Variants in TESPA1 observed in about 807,000 individuals in gnomAD.
TESPA1 encodes the protein protein TESPA1.
A neutral mutation model predicts 57.9 loss-of-function variants in TESPA1; 33 were observed. That is an observed-to-expected ratio of 0.57 (90% CI 0.43 to 0.76). The LOEUF is 0.76. Among genes scored for constraint, TESPA1 ranks in the 30% least tolerant of loss-of-function variants. The pLI, the probability that TESPA1 is intolerant of heterozygous loss-of-function variation, is 0.00. For missense variants in TESPA1, 618 were observed against 632.9 expected (o/e 0.98, Z 0.25); for synonymous variants, 227 against 228.9 (o/e 0.99, Z 0.07).
chr12:54,962,410 C>T, intron 9 of TESPA1, 21 bp downstream of exon 9: 2 of 1,603,310 alleles, frequency 1.2e-6, no homozygotes, highest in Non-Finnish European at 1.7e-6. Flanking sequence ...CCAGTCTCTC[C>T]CTCACCTCCA....
In TESPA1 at chr12:54,984,386, G is replaced by A. The variant is rs903076232; in HGVS notation, c.-46+199C>T. On this transcript the variant is annotated intron_variant, in intron 1 of 10. Coordinates refer to ENST00000449076, the MANE Select transcript of TESPA1 (RefSeq NM_001136030.3). ...GATAATAAAGAGAAAACAAACAAAC[G>A]AAAGCAAAAGGGCACCCAGCATCGT... Among the ~76,000 whole-genome samples the A allele has an allele frequency of 2.6e-5, 4 of 152,250 alleles. No individual in the cohort carries two copies. The South Asian group carries it at 6.2e-4, about 24-fold the overall frequency.
chr12:54,976,348 C>G (rs1292209169), intron 1 of TESPA1, among the ~76,000 whole-genome samples: 2 of 152,090 alleles, frequency 1.3e-5, no homozygotes, highest in Non-Finnish European at 2.9e-5. Flanking sequence ...AGATTGGTTC[C>G]AAAACCCAGA....
chr12:54,968,060 A>C, intron 3 of TESPA1, 168 bp from the exon 4 acceptor site: 1 of 1,504,756 alleles, frequency 6.6e-7, no homozygotes, highest in Non-Finnish European at 8.9e-7. Context: ...TTGTCTGAAA[A>C]ATTCATAGAA....
In TESPA1 at chr12:54,963,855, A is replaced by G. The variant is rs961466251; in HGVS notation, c.542T>C (p.Ile181Thr). Reference sequence around the variant, plus strand: ...GGGGGTGGTGAAAAATCGGGCGGGTATCCGAGAAGTGTCTTTGTGATCCTC... The same window carrying G: ...GGGGGTGGTGAAAAATCGGGCGGGTGTCCGAGAAGTGTCTTTGTGATCCTC... Reference protein sequence around the residue: ...GQEDHKDTSRIPARFFTTPSQ... With the variant: ...GQEDHKDTSRTPARFFTTPSQ... The change falls in exon 8 of 11, where the codon ATA becomes ACA. Residue 181 changes from isoleucine to threonine, a missense_variant. Coordinates refer to ENST00000449076, the MANE Select transcript of TESPA1 (RefSeq NM_001136030.3). The G allele has an allele frequency of 6.2e-7, 1 of 1,613,906 alleles. No individual in the cohort carries two copies. The highest frequency in any genetic ancestry group is 1.3e-5 in the African/African-American group (1 of 74,940).
At chr12:54,978,454 T>C (rs1045872676) in intron 1 of TESPA1, among the ~76,000 whole-genome samples, 4 of 152,216 alleles carry the variant, frequency 2.6e-5, no homozygotes, top group African/African-American at 4.8e-5. Context: ...TGCATAGGAA[T>C]AGTACCCATA....
chr12:54,978,645 A>G (rs1373988891), intron 1 of TESPA1, among the ~76,000 whole-genome samples: 1 of 152,232 alleles, frequency 6.6e-6, no homozygotes. Flanking sequence ...AAGGCCATAC[A>G]GGAACTTATA....
chr12:54,982,745 G>A (rs1243343098), intron 1 of TESPA1, among the ~76,000 whole-genome samples: 1 of 152,218 alleles, frequency 6.6e-6, no homozygotes, highest in Non-Finnish European at 1.5e-5. Flanking sequence ...CAACCATTGT[G>A]TTAGCTCTGT....
At position 54,966,144 on chromosome 12, in the gene TESPA1, G is replaced by A. The variant is rs1951415643; in HGVS notation, c.355C>T (p.Leu119Phe). The change falls in exon 7 of 11, where the codon CTC (leucine) becomes TTC (phenylalanine). Residue 119 changes from leucine to phenylalanine, a missense_variant. Coordinates refer to ENST00000449076, the MANE Select transcript of TESPA1 (RefSeq NM_001136030.3). ...ANGKLFSRSF[L>F]ETARPCQLLD... ...AGCTGGCAAGGCCTGGCTGTCTCGAGGAAACTCCTGCAGAGATCAAAGCTG... is the reference window on the plus strand; with the variant it reads ...AGCTGGCAAGGCCTGGCTGTCTCGAAGAAACTCCTGCAGAGATCAAAGCTG... 5 of 1,568,282 alleles carry A rather than the reference G, an allele frequency of 3.2e-6. No homozygotes were observed. Among genetic ancestry groups the A allele is most frequent in the African/African-American group, 1.4e-5 (1 of 73,806 alleles).
chr12:54,973,223 T>C (rs1951946910), intron 3 of TESPA1, among the ~76,000 whole-genome samples: 1 of 152,164 alleles, frequency 6.6e-6, no homozygotes, highest in Non-Finnish European at 1.5e-5. Context: ...ACTCTTAGCT[T>C]TAGCTCAAAC....
At chr12:54,964,034 C>G (rs1951258777) in intron 7 of TESPA1, 84 bp from the exon 8 acceptor site, 1 of 1,369,638 alleles carries the variant, frequency 7.3e-7, no homozygotes, top group African/African-American at 1.4e-5. Context: ...ATAAAAGTGT[C>G]AGAAGACTGA....
intron 10 of TESPA1, among the ~76,000 whole-genome samples, chr12:54,953,522 C>CTCTTTTTTTT (rs1950529744): frequency 7.4e-6 from 1 of 135,366 alleles, no homozygotes; most frequent in Non-Finnish European, 1.5e-5. Flanking sequence ...TTTTTATTTA[C>CTCTTTTTTTT]TTTTTTTTTT....
chr12:54,965,093 CAA>C (rs549458391), intron 7 of TESPA1, among the ~76,000 whole-genome samples: 37 of 152,242 alleles, frequency 2.4e-4, no homozygotes, highest in African/African-American at 8.4e-4. Flanking sequence ...TCATCTTTTT[CAA>C]AGAGTTATTT....
Position 54,963,241 on chromosome 12 carries a change from G to A in TESPA1, c.657C>T (p.Ser219=). 1 of 1,608,858 alleles carries A rather than the reference G, an allele frequency of 6.2e-7. No homozygotes were observed. The part of the protein sequence containing the change: ...EMEDPCLMLA[S]RFKQVQTLAV... ...CCAGTGTTTGCACCTGCTTAAACCT[G>A]CCTGGGTACAAGAGTTAAAGATGGT... The change falls in exon 9 of 11, where the codon AGC becomes AGT. Residue 219 remains serine (S), a splice_region_variant and synonymous_variant. Transcript: ENST00000449076.
At chr12:54,961,054 A>G (rs1592338933) in intron 10 of TESPA1, 114 bp downstream of exon 10, 2 of 1,228,964 alleles carry the variant, frequency 1.6e-6, no homozygotes, top group South Asian at 2.6e-5. Context: ...TTCCAATTAA[A>G]TCAGAATTAC....
chr12:54,965,234 G>A (rs1163882565), intron 7 of TESPA1, among the ~76,000 whole-genome samples: 1 of 152,086 alleles, frequency 6.6e-6, no homozygotes, highest in African/African-American at 2.4e-5. Flanking sequence ...GGAAGTGCAG[G>A]TTTGTTACAT....
At chr12:54,956,309 T>C in intron 10 of TESPA1, among the ~76,000 whole-genome samples, 1 of 152,130 alleles carries the variant, frequency 6.6e-6, no homozygotes, top group East Asian at 1.9e-4. Flanking sequence ...ACCATAAAAA[T>C]GAAAACTTCC....
rs151116221 is a variant in TESPA1, at chr12:54,981,012, T to C, written c.-46+3573A>G. Among the ~76,000 whole-genome samples, 596 of 152,282 alleles carry C rather than the reference T, an allele frequency of 3.9e-3. 1 individual carries two copies. Among genetic ancestry groups the C allele is most frequent in the East Asian group, 0.027 (140 of 5,182 alleles). On this transcript the variant is annotated intron_variant, in intron 1 of 10. Coordinates refer to ENST00000449076, the MANE Select transcript of TESPA1 (RefSeq NM_001136030.3). ...GTTACTCAGGCTGGTCTTGAACACC[T>C]GGCCTCAAGCAATCCTCCCACCTTG... is the stretch of plus-strand genomic sequence containing the variant.
intron 10 of TESPA1, among the ~76,000 whole-genome samples, chr12:54,958,266 C>T (rs929897215): frequency 2.0e-5 from 3 of 152,170 alleles, no homozygotes; most frequent in Non-Finnish European, 4.4e-5. Flanking sequence ...GCTGGACAAA[C>T]AACACTTAAG....
chr12:54,969,243 C>T (rs534094725), intron 3 of TESPA1, among the ~76,000 whole-genome samples: 415 of 151,562 alleles, frequency 2.7e-3, no homozygotes, highest in Non-Finnish European at 2.5e-3. Flanking sequence ...GCACCTAGAA[C>T]TATAAATATA....
Sources: gnomAD v4.1 joint callset for allele counts (sites outside exome capture counted in the v4.1 genomes callset) on GRCh38, gnomAD v4.1.1 for gene constraint, MANE v1.5 for transcripts, NCBI Gene and HGNC (gene_info 2026-07-23, HGNC 2026-07-21) for gene names.